The following MFSD11 variants were observed in gnomAD, a reference collection of about 807,000 sequenced individuals.
The protein encoded by MFSD11 is UNC93-like protein MFSD11.
In MFSD11, 36 loss-of-function variants were observed where a neutral mutation model predicts 53.5. That is an observed-to-expected ratio of 0.67 (90% confidence interval 0.52 to 0.89). The LOEUF is 0.89. Among genes scored for constraint, MFSD11 ranks in the 40% least tolerant of loss-of-function variants. The pLI is 0.00. For missense variants in MFSD11, 530 were observed against 543.9 expected, an observed-to-expected ratio of 0.97 and a Z score of 0.25; for synonymous variants, 186 against 184.9, an observed-to-expected ratio of 1.01 and a Z score of -0.05.
At chr17:76,745,084 G>C (rs1320579149) in intron 7 of MFSD11, among the ~76,000 whole-genome samples, 1 of 152,178 alleles carries the variant, frequency 6.6e-6, no homozygotes, top group Non-Finnish European at 1.5e-5. Flanking sequence ...AGCATGACAG[G>C]CTAGTGATCT....
At chr17:76,748,095 AGT>A (rs1221281726) in intron 7 of MFSD11, 1 of 6,340 alleles carries the variant, frequency 1.6e-4, no homozygotes, top group Non-Finnish European at 4.0e-4. Context: ...AGAGGGGGAG[AGT>A]GGGGGGGAGG....
upstream of MFSD11, chr17:76,737,256 G>T (rs768911692): frequency 7.0e-7 from 1 of 1,436,726 alleles, no homozygotes. Context: ...TGCCTTCCGC[G>T]TGGGGACACT....
the MFSD11 span, among the ~76,000 whole-genome samples, chr17:76,789,071 G>A: frequency 6.7e-6 from 1 of 149,834 alleles, no homozygotes; most frequent in Non-Finnish European, 1.5e-5. Flanking sequence ...GAACCCAGGG[G>A]GCGGAGGTTG....
chr17:76,760,692 G>C (rs1184052023), intron 8 of MFSD11, among the ~76,000 whole-genome samples: 1 of 151,748 alleles, frequency 6.6e-6, no homozygotes, highest in African/African-American at 2.4e-5. Context: ...CACCACACCT[G>C]GCTAATTTTT....
chr17:76,768,306 A>C (rs1345725388), intron 9 of MFSD11, among the ~76,000 whole-genome samples: 1 of 136,586 alleles, frequency 7.3e-6, no homozygotes, highest in Admixed American at 7.4e-5. Flanking sequence ...CCTCCGTCTC[A>C]AAAAAAAAAA....
rs2079329352 is a variant in MFSD11, at chr17:76,754,027, T to C, written c.642-20T>C. On this transcript the variant is annotated intron_variant, in intron 7 of 12. Transcript: ENST00000685175. The stretch of plus-strand genomic sequence containing the variant: ...ATTTTCAAAAAGAAAAAACTTATTT[T>C]TTACATTTTATTTTCTCAGGTCTGC... The C allele has an allele frequency of 6.3e-7, 1 of 1,594,376 alleles. No homozygotes were observed. The highest frequency in any genetic ancestry group is 1.4e-5 in the African/African-American group (1 of 73,878).
the MFSD11 span, among the ~76,000 whole-genome samples, chr17:76,793,732 A>G: frequency 6.6e-6 from 1 of 151,596 alleles, no homozygotes; most frequent in Non-Finnish European, 1.5e-5. Context: ...ATAAGAAATT[A>G]TAAAAGTGTT....
chr17:76,786,935 C>T, the MFSD11 span, among the ~76,000 whole-genome samples: 2 of 151,870 alleles, frequency 1.3e-5, no homozygotes, highest in African/African-American at 4.8e-5. Flanking sequence ...CCCACCTCAG[C>T]CTCCGGAGTA....
At chr17:76,782,955 G>T (rs1181388207), downstream of MFSD11, among the ~76,000 whole-genome samples, 1 of 151,732 alleles carries the variant, frequency 6.6e-6, no homozygotes, top group East Asian at 2.0e-4. Context: ...AAGGCAGGCA[G>T]ATCACAAGGT....
intron 8 of MFSD11, among the ~76,000 whole-genome samples, chr17:76,766,376 G>T (rs1355925141): frequency 7.0e-6 from 1 of 142,542 alleles, no homozygotes; most frequent in Non-Finnish European, 1.5e-5. Context: ...CCAAGATCGC[G>T]CCACTCTACT....
At chr17:76,756,215 C>T (rs566038281) in intron 8 of MFSD11, among the ~76,000 whole-genome samples, 14 of 150,724 alleles carry the variant, frequency 9.3e-5, no homozygotes, top group African/African-American at 3.2e-4. Flanking sequence ...CTCTGCCTCC[C>T]GGATTCAAGT....
chr17:76,767,916 C>T (rs754033803), intron 9 of MFSD11, among the ~76,000 whole-genome samples: 6 of 152,182 alleles, frequency 3.9e-5, no homozygotes, highest in Non-Finnish European at 7.3e-5. Flanking sequence ...TTCAGAAAAA[C>T]CAGGACACGT....
chr17:76,742,634 C>A (rs2078201447), intron 5 of MFSD11, among the ~76,000 whole-genome samples: 1 of 151,924 alleles, frequency 6.6e-6, no homozygotes, highest in Admixed American at 6.6e-5. Context: ...TCCTGAGTAG[C>A]TGGGATTACA....
At chr17:76,794,521 A>G in the MFSD11 span, among the ~76,000 whole-genome samples, 1 of 148,758 alleles carries the variant, frequency 6.7e-6, no homozygotes, top group Non-Finnish European at 1.5e-5. Context: ...AGGCACCTGT[A>G]ATCCCAGCTA....
In MFSD11 at chr17:76,769,806, T is replaced by A; in HGVS notation, c.809T>A (p.Phe270Tyr). Residue 270 changes from phenylalanine to tyrosine, a missense_variant, in exon 10 of 13, where the codon TTT becomes TAT. By Grantham distance (22) the Phe-to-Tyr change is conservative (BLOSUM62 3). Transcript: ENST00000685175. Reference protein sequence around the residue: ...YGTCIGATNKFGAEEKSLIGL... With the variant: ...YGTCIGATNKYGAEEKSLIGL... ...ACCTGTATTGGTGCTACAAATAAAT[T>A]TGGAGCAGAAGAGAAAAGCCTTATT... 2 of 1,613,166 alleles carry A rather than the reference T, an allele frequency of 1.2e-6. No individual in the cohort carries two copies. Among genetic ancestry groups the A allele is most frequent in the Non-Finnish European group, 1.7e-6 (2 of 1,179,624 alleles).
chr17:76,784,383 A>G (rs1036216281), downstream of MFSD11, among the ~76,000 whole-genome samples: 1 of 151,950 alleles, frequency 6.6e-6, no homozygotes, highest in African/African-American at 2.4e-5. Flanking sequence ...AAAGTACAAA[A>G]ATTAGCTGGG....
chr17:76,771,112 A>T (rs533686908), intron 10 of MFSD11, among the ~76,000 whole-genome samples: 1 of 152,168 alleles, frequency 6.6e-6, no homozygotes, highest in Non-Finnish European at 1.5e-5. Flanking sequence ...CTGAAGTGGG[A>T]GTGAAAGGGG....
intron 8 of MFSD11, among the ~76,000 whole-genome samples, chr17:76,766,682 G>T (rs529731652): frequency 6.6e-6 from 1 of 152,094 alleles, no homozygotes; most frequent in Non-Finnish European, 1.5e-5. Context: ...GGTAAGTTTC[G>T]TGGCCAGCAG....
intron 8 of MFSD11, among the ~76,000 whole-genome samples, chr17:76,758,640 C>T (rs1333739845): frequency 6.9e-6 from 1 of 144,432 alleles, no homozygotes; most frequent in Non-Finnish European, 1.5e-5. Flanking sequence ...TCAGTCAACA[C>T]AACCTAACAA....
Sources: allele counts gnomAD v4.1 joint callset (sites outside exome capture counted in the v4.1 genomes callset), GRCh38; gene constraint gnomAD v4.1.1; transcripts MANE v1.5; gene names NCBI Gene and HGNC (gene_info 2026-07-23, HGNC 2026-07-21).